Variants in ZDHHC3 observed in about 807,000 individuals in gnomAD.
ZDHHC3 encodes the protein zDHHC palmitoyltransferase 3, also known as palmitoyltransferase ZDHHC3.
ZDHHC3 carries 9 observed loss-of-function variants against 30.6 expected under a neutral mutation model. That is an observed-to-expected ratio of 0.29 (90% CI 0.18 to 0.51). The LOEUF is 0.51. ZDHHC3 is among the 20% of genes least tolerant of loss of function. The probability of loss-of-function intolerance (pLI) is 0.97; values close to 1 mark genes in which losing one functional copy is unlikely to be tolerated. For synonymous variants in ZDHHC3, 136 were observed against 140.2 expected (o/e 0.97, Z 0.21); for missense variants, 246 against 384.2 (o/e 0.64, Z 3.01).
At chr3:44,950,272 C>T (rs1387944290) in intron 2 of ZDHHC3, among the ~76,000 whole-genome samples, 1 of 152,214 alleles carries the variant, frequency 6.6e-6, no homozygotes, top group African/African-American at 2.4e-5. Flanking sequence ...CCCCCAAGGA[C>T]ATGAAGCAAC....
At chr3:44,968,273 A>T (rs1298518481) in intron 1 of ZDHHC3, among the ~76,000 whole-genome samples, 1 of 152,106 alleles carries the variant, frequency 6.6e-6, no homozygotes, top group East Asian at 1.9e-4. Context: ...CTCTAAAGTG[A>T]GGGGGATGGA....
chr3:44,926,992 A>G, intron 6 of ZDHHC3, 145 bp from the exon 7 acceptor site: 1 of 1,183,520 alleles, frequency 8.4e-7, no homozygotes, highest in Non-Finnish European at 1.1e-6. Flanking sequence ...TTTCTCATAA[A>G]AAGTGTTACT....
chr3:44,972,932 C>G (rs1469831188), intron 1 of ZDHHC3, among the ~76,000 whole-genome samples: 1 of 152,162 alleles, frequency 6.6e-6, no homozygotes, highest in Non-Finnish European at 1.5e-5. Flanking sequence ...GCTACTCAAC[C>G]CTAGTACCAG....
intron 3 of ZDHHC3, among the ~76,000 whole-genome samples, chr3:44,934,640 C>T (rs1701790198): frequency 6.6e-6 from 1 of 151,070 alleles, no homozygotes; most frequent in Non-Finnish European, 1.5e-5. Context: ...GCCTGTAATC[C>T]CGGCACTTTG....
At chr3:44,958,638 AAG>A in intron 2 of ZDHHC3, 1 of 1,536,116 alleles carries the variant, frequency 6.5e-7, no homozygotes. Context: ...TTTTCAGGAA[AAG>A]ATGCACCTCG....
chr3:44,951,471 C>G (rs1703445391), intron 2 of ZDHHC3, among the ~76,000 whole-genome samples: 2 of 152,168 alleles, frequency 1.3e-5, no homozygotes, highest in Admixed American at 1.3e-4. Context: ...TGCCCACTTC[C>G]TTTTCTATTT....
intron 1 of ZDHHC3, chr3:44,975,554 G>C (rs986858787): frequency 7.2e-5 from 11 of 152,320 alleles, no homozygotes; most frequent in African/African-American, 2.7e-4. Context: ...GCCAGCGAGA[G>C]ATATTCCTGG....
chr3:44,967,900 A>G (rs1258295945), intron 1 of ZDHHC3, among the ~76,000 whole-genome samples: 3 of 152,238 alleles, frequency 2.0e-5, no homozygotes, highest in African/African-American at 7.2e-5. Flanking sequence ...ATGGGCATCA[A>G]CATTAACTGA....
chr3:44,931,833 G>A (rs1000370567), intron 5 of ZDHHC3, among the ~76,000 whole-genome samples: 8 of 152,206 alleles, frequency 5.3e-5, no homozygotes, highest in African/African-American at 1.9e-4. Flanking sequence ...TCCTCTGTGA[G>A]CCACAGCTTT....
chr3:44,970,573 G>A (rs569247893), intron 1 of ZDHHC3, among the ~76,000 whole-genome samples: 1 of 152,128 alleles, frequency 6.6e-6, no homozygotes, highest in Non-Finnish European at 1.5e-5. Context: ...CAAATTCAAC[G>A]TTTTCTTTGT....
intron 1 of ZDHHC3, among the ~76,000 whole-genome samples, 163 bp downstream of exon 1, chr3:44,975,770 T>TCACA (rs3082727): frequency 0.011 from 1,270 of 111,432 alleles, 26 homozygotes; most frequent in African/African-American, 0.038. Context: ...TCTCTCTCTC[T>TCACA]CTCACACACA....
rs1701648124 is a variant in ZDHHC3 at position 44,933,160 on chromosome 3, C to T, written c.568G>A (p.Val190Met). 1 of 1,614,184 alleles carries T rather than the reference C, an allele frequency of 6.2e-7. No individual in the cohort carries two copies. The highest frequency in any genetic ancestry group is 8.5e-7 in the Non-Finnish European group (1 of 1,180,046). Residue 190 changes from valine (V) to methionine (M), a missense_variant, in exon 5 of 7, where the codon GTG becomes ATG. Transcript: ENST00000424952. ...AAGCAATGCAGGAAGTGGAATCCCA[C>T]CATGATGAGGGCGTGCAAGGAAATG... The part of the protein sequence containing the change: ...ALISLHALIM[V>M]GFHFLHCFEE...
At chr3:44,965,390 A>G (rs897799995) in intron 1 of ZDHHC3, among the ~76,000 whole-genome samples, 2 of 152,094 alleles carry the variant, frequency 1.3e-5, no homozygotes, top group African/African-American at 4.8e-5. Context: ...GGGGTATACC[A>G]CTTATGCCTC....
intron 1 of ZDHHC3, chr3:44,969,757 T>C (rs1481520606): frequency 2.0e-5 from 3 of 152,186 alleles, no homozygotes; most frequent in Admixed American, 1.3e-4. Context: ...ACATTTAGAA[T>C]ACCGATCCTG....
rs1700478658 is a variant in ZDHHC3, at chr3:44,919,968, T to C, written c.*6721A>G. Reference sequence around the variant, plus strand: ...AATGATGGTTAAGCAAATGATTCTATAACACTATGCAGCTAGAAAAGATGG... The same window carrying C: ...AATGATGGTTAAGCAAATGATTCTACAACACTATGCAGCTAGAAAAGATGG... On this transcript the variant is annotated 3_prime_UTR_variant, in exon 7 of 7. Coordinates refer to ENST00000424952, the MANE Select transcript of ZDHHC3 (RefSeq NM_001135179.2). The C allele has an allele frequency of 9.1e-7, 1 of 1,103,688 alleles. No individual in the cohort carries two copies. The highest frequency in any genetic ancestry group is 1.1e-6 in the Non-Finnish European group (1 of 893,154). 68.4% of individuals were successfully genotyped at this position (1,103,688 alleles called of 1,614,324 possible). A position where few individuals can be genotyped will look rare whatever the true frequency, so the allele number is the denominator to read the frequency against.
At position 44,933,160 on chromosome 3, in the gene ZDHHC3, C is replaced by A; in HGVS notation, c.568G>T (p.Val190Leu). 1 of 1,614,184 alleles carries A rather than the reference C, an allele frequency of 6.2e-7. No homozygotes were observed. Among genetic ancestry groups the A allele is most frequent in the Non-Finnish European group, 8.5e-7 (1 of 1,180,046 alleles). ...ALISLHALIMVGFHFLHCFEE... is the reference protein window; with the variant it reads ...ALISLHALIMLGFHFLHCFEE... ...AAGCAATGCAGGAAGTGGAATCCCA[C>A]CATGATGAGGGCGTGCAAGGAAATG... Residue 190 changes from valine (V) to leucine (L), a missense_variant, in exon 5 of 7, where the codon GTG (valine) becomes TTG (leucine). Val to Leu is a conservative substitution (Grantham distance 32, BLOSUM62 1). Transcript: ENST00000424952.
rs192824106 is a variant in ZDHHC3 at position 44,972,582 on chromosome 3, G to A, written c.-25+3351C>T. Among the ~76,000 whole-genome samples, 34 of 152,266 alleles carry A rather than the reference G, an allele frequency of 2.2e-4. 1 individual carries two copies. Among genetic ancestry groups the A allele is most frequent in the Admixed American group, 1.2e-3 (18 of 15,300 alleles). On this transcript the variant is annotated intron_variant, in intron 1 of 6. Coordinates refer to ENST00000424952, the MANE Select transcript of ZDHHC3 (RefSeq NM_001135179.2). ...GGTGGGACAGAGTTACTCCATCTCTGTCATGTTATTGTTGCCGGCTTGTGG... is the reference window on the plus strand; with the variant it reads ...GGTGGGACAGAGTTACTCCATCTCTATCATGTTATTGTTGCCGGCTTGTGG...
intron 1 of ZDHHC3, among the ~76,000 whole-genome samples, chr3:44,963,774 T>C (rs1229858228): frequency 6.6e-6 from 1 of 152,164 alleles, no homozygotes; most frequent in Non-Finnish European, 1.5e-5. Context: ...TGCCAGCACA[T>C]GCTCTCAGAA....
chr3:44,942,763 G>A (rs571888211), intron 3 of ZDHHC3, among the ~76,000 whole-genome samples: 10 of 152,306 alleles, frequency 6.6e-5, no homozygotes, highest in Admixed American at 3.9e-4. Context: ...TTTTTACAGA[G>A]GAGAAAGCTG....
Sources: allele counts gnomAD v4.1 joint callset (sites outside exome capture counted in the v4.1 genomes callset), GRCh38; gene constraint gnomAD v4.1.1; transcripts MANE v1.5; gene names NCBI Gene and HGNC (gene_info 2026-07-23, HGNC 2026-07-21).